PRKCQ: variants seen among roughly 807,000 people sequenced by gnomAD.
The protein encoded by PRKCQ is protein kinase C theta, also known as protein kinase C theta type.
Under a neutral mutation model 91.2 loss-of-function variants are expected in PRKCQ, and 41 were observed. The observed-to-expected ratio is 0.45, with a 90% CI of 0.35 to 0.58. The LOEUF (loss-of-function observed/expected upper bound fraction) is 0.58. Among genes scored for constraint, PRKCQ ranks in the 20% least tolerant of loss-of-function variants. PRKCQ has a pLI of 0.00. For synonymous variants in PRKCQ, 307 were observed against 316.9 expected (o/e 0.97, Z 0.33); for missense variants, 673 against 896.5 (o/e 0.75, Z 3.18).
chr10:6,563,914 C>T (rs1840731151), intron 1 of PRKCQ, among the ~76,000 whole-genome samples: 1 of 152,152 alleles, frequency 6.6e-6, no homozygotes, highest in Non-Finnish European at 1.5e-5. Context: ...CCAGGGCACG[C>T]AGAGGAGGGA....
At chr10:6,394,330 A>C in the PRKCQ span, among the ~76,000 whole-genome samples, 3 of 152,198 alleles carry the variant, frequency 2.0e-5, no homozygotes, top group Non-Finnish European at 4.4e-5. Context: ...CTGCTTGTGC[A>C]TTCACAGGGC....
intron 1 of PRKCQ, among the ~76,000 whole-genome samples, chr10:6,551,156 C>G (rs1319538489): frequency 6.6e-6 from 1 of 152,124 alleles, no homozygotes; most frequent in African/African-American, 2.4e-5. Context: ...TCTACTGTCA[C>G]CCTCCACCCT....
chr10:6,566,163 C>T (rs1003709186), intron 1 of PRKCQ, among the ~76,000 whole-genome samples: 3 of 152,178 alleles, frequency 2.0e-5, no homozygotes, highest in Admixed American at 6.5e-5. Flanking sequence ...GCTGTTGCTA[C>T]GGTATTAAAT....
the PRKCQ span, among the ~76,000 whole-genome samples, chr10:6,404,687 T>C: frequency 6.7e-6 from 1 of 149,308 alleles, no homozygotes; most frequent in African/African-American, 2.5e-5. Flanking sequence ...CTTTCTTCCT[T>C]CCTTTCTTTC....
chr10:6,488,917 C>T (rs1837097699), intron 8 of PRKCQ, among the ~76,000 whole-genome samples: 2 of 151,942 alleles, frequency 1.3e-5, no homozygotes, highest in Non-Finnish European at 2.9e-5. Flanking sequence ...GTAGCTGAGA[C>T]CACAGGCGTG....
At chr10:6,511,510 C>T (rs1838474838) in intron 2 of PRKCQ, among the ~76,000 whole-genome samples, 1 of 152,156 alleles carries the variant, frequency 6.6e-6, no homozygotes, top group Non-Finnish European at 1.5e-5. Context: ...GCACAGAAAG[C>T]CAATGACTGA....
Position 6,498,376 on chromosome 10 carries a change from G to C in PRKCQ, c.542+20C>G. On this transcript the variant is annotated intron_variant, in intron 5 of 17. Coordinates refer to ENST00000263125, the MANE Select transcript of PRKCQ (RefSeq NM_006257.5). ...AAATGCATAACCCGAAGCTTGGAGG[G>C]AGATGCCAAGTTACTGTACCAGACA... 1.2e-6 allele frequency: 2 copies of C among 1,613,000 alleles called. No homozygotes were observed. The highest frequency in any genetic ancestry group is 1.1e-5 in the South Asian group (1 of 91,040).
chr10:6,432,438 C>G (rs571328337), intron 16 of PRKCQ, among the ~76,000 whole-genome samples: 1 of 152,220 alleles, frequency 6.6e-6, no homozygotes, highest in East Asian at 1.9e-4. Context: ...AATGTTTGTG[C>G]AATCACCCGG....
At position 6,553,960 on chromosome 10, in the gene PRKCQ, T is replaced by C. The variant is rs886800168; in HGVS notation, c.-10+26251A>G. Among the ~76,000 whole-genome samples, 35 of 96,888 alleles carry C rather than the reference T, an allele frequency of 3.6e-4. 1 individual carries two copies. In the South Asian group the frequency reaches 0.013, roughly 37 times the overall value. The allele number at this position is 96,888 out of a possible 152,430, so 63.6% of individuals were successfully genotyped here. Reference sequence around the variant, plus strand: ...GAGAAAGGTCTCTAGAACAAAAAAGTGCAGTGGAAACAGTAAAAAAAAACA... The same window carrying C: ...GAGAAAGGTCTCTAGAACAAAAAAGCGCAGTGGAAACAGTAAAAAAAAACA... On this transcript the variant is annotated intron_variant, in intron 1 of 17. Transcript: ENST00000263125.
At chr10:6,490,452 A>G (rs1837222178) in intron 8 of PRKCQ, among the ~76,000 whole-genome samples, 2 of 151,738 alleles carry the variant, frequency 1.3e-5, no homozygotes, top group Non-Finnish European at 2.9e-5. Context: ...CTCACCAGGC[A>G]TGGTGACTCA....
Position 6,552,456 on chromosome 10 carries a change from T to C in PRKCQ, c.-10+27755A>G, listed in dbSNP as rs546337796. Among the ~76,000 whole-genome samples the C allele has an allele frequency of 5.5e-5, 8 of 145,598 alleles. 1 individual carries two copies. Among genetic ancestry groups the C allele is most frequent in the Admixed American group, 5.4e-4 (8 of 14,764 alleles). On this transcript the variant is annotated intron_variant, in intron 1 of 17. Transcript: ENST00000263125. The stretch of plus-strand genomic sequence containing the variant: ...CTGCAACAGCAGGGCTCAAACCTGT[T>C]AGTCTTTTTTTTTTTTTTTTGTCTT...
At chr10:6,477,847 G>A (rs1246938673) in intron 12 of PRKCQ, among the ~76,000 whole-genome samples, 2 of 152,176 alleles carry the variant, frequency 1.3e-5, no homozygotes, top group Non-Finnish European at 2.9e-5. Context: ...CAGCCTGGGC[G>A]ACAGAGTGAG....
At chr10:6,522,848 A>G (rs1718774060) in intron 1 of PRKCQ, among the ~76,000 whole-genome samples, 1 of 152,226 alleles carries the variant, frequency 6.6e-6, no homozygotes, top group African/African-American at 2.4e-5. Flanking sequence ...ATGGTTTCCA[A>G]TTACATCTGC....
chr10:6,529,121 A>G (rs1168417172), intron 1 of PRKCQ, among the ~76,000 whole-genome samples: 1 of 152,154 alleles, frequency 6.6e-6, no homozygotes, highest in African/African-American at 2.4e-5. Context: ...TCTGCCATTC[A>G]TGCCTTTAGA....
At chr10:6,516,645 G>A (rs927386092) in intron 1 of PRKCQ, among the ~76,000 whole-genome samples, 2 of 152,128 alleles carry the variant, frequency 1.3e-5, no homozygotes, top group Non-Finnish European at 2.9e-5. Flanking sequence ...TCAGTTACGG[G>A]AGTTTTTGCC....
chr10:6,563,691 C>T (rs183032161), intron 1 of PRKCQ, among the ~76,000 whole-genome samples: 9 of 152,228 alleles, frequency 5.9e-5, no homozygotes, highest in East Asian at 1.9e-4. Context: ...CTTTTCCCTC[C>T]GACACTCCTC....
intron 8 of PRKCQ, among the ~76,000 whole-genome samples, chr10:6,486,660 C>T (rs570636759): frequency 7.2e-5 from 11 of 152,372 alleles, no homozygotes; most frequent in African/African-American, 2.6e-4. Flanking sequence ...CTTCTACCAA[C>T]AGCCGACCCT....
intron 1 of PRKCQ, among the ~76,000 whole-genome samples, chr10:6,553,504 A>ATAAAAAT (rs58093492): frequency 2.1e-5 from 3 of 145,420 alleles, no homozygotes; most frequent in East Asian, 2.0e-4. Context: ...AAAAAAAAAA[A>ATAAAAAT]AAAAAAAAAA....
chr10:6,440,631 C>T (rs1485067109), intron 16 of PRKCQ, among the ~76,000 whole-genome samples: 6 of 152,198 alleles, frequency 3.9e-5, no homozygotes, highest in Non-Finnish European at 7.3e-5. Context: ...CAGTAGTGAG[C>T]AGCTGCCAAT....
Sources: gnomAD v4.1 joint callset for allele counts (sites outside exome capture counted in the v4.1 genomes callset) on GRCh38, gnomAD v4.1.1 for gene constraint, MANE v1.5 for transcripts, NCBI Gene and HGNC (gene_info 2026-07-23, HGNC 2026-07-21) for gene names.